GALNT13: variants seen among roughly 807,000 people sequenced by gnomAD.
GALNT13 encodes polypeptide N-acetylgalactosaminyltransferase 13.
In GALNT13, 28 loss-of-function variants were observed where a neutral mutation model predicts 64.2. The observed-to-expected ratio is 0.44, with a 90% CI of 0.32 to 0.60. GALNT13 has a LOEUF of 0.60. Among genes scored for constraint, GALNT13 ranks in the 20% least tolerant of loss-of-function variants. The pLI, the probability that GALNT13 is intolerant of heterozygous loss-of-function variation, is 0.05. For synonymous variants in GALNT13, 214 were observed against 224.6 expected, an observed-to-expected ratio of 0.95 and a Z score of 0.42; for missense variants, 577 against 669.8, an observed-to-expected ratio of 0.86 and a Z score of 1.53.
intron 3 of GALNT13, among the ~76,000 whole-genome samples, chr2:153,945,933 G>T (rs1691706699): frequency 6.6e-6 from 1 of 152,120 alleles, no homozygotes; most frequent in Non-Finnish European, 1.5e-5. Flanking sequence ...ATTTGCAAGT[G>T]ACTGATGCTA....
At chr2:153,656,373 T>C in the GALNT13 span, among the ~76,000 whole-genome samples, 1 of 151,798 alleles carries the variant, frequency 6.6e-6, no homozygotes, top group Non-Finnish European at 1.5e-5. Context: ...CATGTGTATG[T>C]GCATTCTAAA....
At chr2:153,430,900 C>T in the GALNT13 span, among the ~76,000 whole-genome samples, 2 of 151,740 alleles carry the variant, frequency 1.3e-5, no homozygotes, top group Admixed American at 1.3e-4. Flanking sequence ...GCCTGTAATT[C>T]CAGCACTTTG....
the GALNT13 span, among the ~76,000 whole-genome samples, chr2:153,631,904 T>A: frequency 5.7e-4 from 86 of 152,176 alleles, no homozygotes; most frequent in Middle Eastern, 3.4e-3. Context: ...CTGAATGGTA[T>A]CGCCTAGGTT....
chr2:153,413,075 T>C, the GALNT13 span, among the ~76,000 whole-genome samples: 1 of 152,178 alleles, frequency 6.6e-6, no homozygotes, highest in Admixed American at 6.5e-5. Context: ...GAGGGAGAAT[T>C]TACCAGAGCC....
At chr2:153,706,154 G>A in the GALNT13 span, among the ~76,000 whole-genome samples, 8 of 151,788 alleles carry the variant, frequency 5.3e-5, no homozygotes, top group East Asian at 1.9e-4. Context: ...GCCCCACCAC[G>A]CCCAGCTAAT....
intron 3 of GALNT13, among the ~76,000 whole-genome samples, chr2:153,965,361 C>T (rs1574223028): frequency 6.6e-6 from 1 of 152,256 alleles, no homozygotes; most frequent in East Asian, 1.9e-4. Context: ...CATTACCCTT[C>T]CCAGCTTCTG....
At chr2:153,980,863 G>A (rs1237689655) in intron 3 of GALNT13, among the ~76,000 whole-genome samples, 4 of 152,076 alleles carry the variant, frequency 2.6e-5, no homozygotes, top group African/African-American at 4.8e-5. Flanking sequence ...GTAAGGTATC[G>A]TGAAGGTGGC....
chr2:154,373,836 CAG>C (rs1443131281), intron 9 of GALNT13, among the ~76,000 whole-genome samples: 2 of 152,160 alleles, frequency 1.3e-5, no homozygotes, highest in African/African-American at 4.8e-5. Context: ...AAGATTCTTA[CAG>C]AGTGTGAACA....
chr2:154,447,030 G>A (rs945773688), intron 12 of GALNT13, among the ~76,000 whole-genome samples: 1 of 150,760 alleles, frequency 6.6e-6, no homozygotes, highest in African/African-American at 2.4e-5. Flanking sequence ...TATACTTGAT[G>A]AACGATATTA....
chr2:153,330,627 C>A, the GALNT13 span, among the ~76,000 whole-genome samples: 932 of 150,222 alleles, frequency 6.2e-3, 10 homozygotes, highest in African/African-American at 0.022. Flanking sequence ...TTTTTTTTAT[C>A]CTGCAACTTT....
the GALNT13 span, among the ~76,000 whole-genome samples, chr2:153,418,074 A>G: frequency 6.6e-6 from 1 of 152,184 alleles, no homozygotes; most frequent in South Asian, 2.1e-4. Context: ...CTGTTAATAT[A>G]TTTTGGAGAG....
At chr2:153,402,923 C>G in the GALNT13 span, among the ~76,000 whole-genome samples, 4 of 152,362 alleles carry the variant, frequency 2.6e-5, no homozygotes, top group African/African-American at 9.6e-5. Context: ...CTTCTACTCT[C>G]AGCTCGTCAA....
the GALNT13 span, among the ~76,000 whole-genome samples, chr2:153,836,867 G>T: frequency 1.3e-5 from 2 of 151,880 alleles, no homozygotes; most frequent in African/African-American, 4.8e-5. Flanking sequence ...ATAGTATTCC[G>T]TGGTGTATAT....
intron 3 of GALNT13, among the ~76,000 whole-genome samples, chr2:153,956,847 C>T (rs564781451): frequency 6.6e-5 from 10 of 152,176 alleles, no homozygotes; most frequent in Non-Finnish European, 1.2e-4. Flanking sequence ...AGACGTTAAA[C>T]CACATAATAC....
the GALNT13 span, among the ~76,000 whole-genome samples, chr2:153,136,848 C>CCACA: frequency 0.12 from 17,065 of 148,378 alleles, 1,024 homozygotes; most frequent in South Asian, 0.18. Context: ...GGTGTTTGCA[C>CCACA]CACACACACA....
intron 9 of GALNT13, among the ~76,000 whole-genome samples, chr2:154,313,263 C>T (rs139746359): frequency 0.017 from 2,507 of 147,626 alleles, 58 homozygotes; most frequent in African/African-American, 0.052. Context: ...TATATATACA[C>T]ACACACTAGA....
the GALNT13 span, among the ~76,000 whole-genome samples, chr2:153,643,873 A>G: frequency 6.6e-6 from 1 of 152,026 alleles, no homozygotes; most frequent in Non-Finnish European, 1.5e-5. Flanking sequence ...GATAAAAAAG[A>G]GTCCTTCACT....
chr2:153,351,489 T>A, the GALNT13 span, among the ~76,000 whole-genome samples: 3 of 152,178 alleles, frequency 2.0e-5, no homozygotes, highest in African/African-American at 7.2e-5. Flanking sequence ...GAATCCATAG[T>A]TTACGTTAGT....
the GALNT13 span, among the ~76,000 whole-genome samples, chr2:153,126,296 G>T: frequency 6.7e-5 from 8 of 118,850 alleles, 1 homozygote; most frequent in South Asian, 2.0e-3. Flanking sequence ...TATTGATTTT[G>T]TATATATATA....
Sources: gnomAD v4.1 joint callset for allele counts (sites outside exome capture counted in the v4.1 genomes callset) on GRCh38, gnomAD v4.1.1 for gene constraint, MANE v1.5 for transcripts, NCBI Gene and HGNC (gene_info 2026-07-23, HGNC 2026-07-21) for gene names.